Variants in OXR1 observed in about 807,000 individuals in gnomAD.
OXR1 encodes oxidation resistance 1.
In OXR1, 41 loss-of-function variants were observed where a neutral mutation model predicts 104.6. The observed-to-expected ratio is 0.39, with a 90% CI of 0.31 to 0.51. OXR1 has a LOEUF of 0.51. Among genes scored for constraint, OXR1 ranks in the 20% least tolerant of loss-of-function variants. The probability of loss-of-function intolerance (pLI) is 0.77; values close to 1 mark genes in which losing one functional copy is unlikely to be tolerated. For missense variants in OXR1, 955 were observed against 1,031.9 expected (o/e 0.93, Z 1.02); for synonymous variants, 348 against 348.4 (o/e 1.00, Z 0.01).
At chr8:106,321,871 C>G (rs1377959300) in intron 1 of OXR1, among the ~76,000 whole-genome samples, 2 of 152,006 alleles carry the variant, frequency 1.3e-5, no homozygotes, top group Non-Finnish European at 2.9e-5. Flanking sequence ...GCTGAGGAGG[C>G]CCTAGTTTAC....
chr8:106,505,987 A>C (rs1331472706), intron 2 of OXR1, among the ~76,000 whole-genome samples: 1 of 152,234 alleles, frequency 6.6e-6, no homozygotes, highest in African/African-American at 2.4e-5. Context: ...CTTTGGTAAC[A>C]GTCGAGAGAA....
chr8:106,281,336 A>C (rs748580086), intron 1 of OXR1, among the ~76,000 whole-genome samples: 8 of 152,188 alleles, frequency 5.3e-5, no homozygotes, highest in African/African-American at 1.2e-4. Flanking sequence ...GGAATGGATA[A>C]ACAAATAGTC....
intron 11 of OXR1, among the ~76,000 whole-genome samples, chr8:106,726,847 A>C (rs1190016256): frequency 1.3e-5 from 2 of 152,174 alleles, no homozygotes; most frequent in African/African-American, 2.4e-5. Flanking sequence ...ATACTATTGT[A>C]AGAATTTTAT....
intron 6 of OXR1, among the ~76,000 whole-genome samples, chr8:106,692,510 G>A (rs1829408554): frequency 6.6e-6 from 1 of 151,960 alleles, no homozygotes; most frequent in African/African-American, 2.4e-5. Flanking sequence ...CACTATAAAT[G>A]TAAGTTTAAC....
intron 3 of OXR1, among the ~76,000 whole-genome samples, chr8:106,565,522 G>T (rs1167731781): frequency 6.6e-6 from 1 of 152,068 alleles, no homozygotes; most frequent in South Asian, 2.1e-4. Flanking sequence ...TGGATAGGAA[G>T]AATAAATATC....
intron 2 of OXR1, among the ~76,000 whole-genome samples, chr8:106,474,427 A>G (rs949125234): frequency 1.3e-5 from 2 of 151,966 alleles, no homozygotes; most frequent in African/African-American, 4.8e-5. Flanking sequence ...AATAATCTCA[A>G]GAAGGTATGT....
At chr8:106,371,686 C>G (rs1816714153) in intron 2 of OXR1, among the ~76,000 whole-genome samples, 1 of 152,182 alleles carries the variant, frequency 6.6e-6, no homozygotes, top group African/African-American at 2.4e-5. Flanking sequence ...TTTCCAGTTT[C>G]CATGAAATCG....
chr8:106,311,965 G>A (rs984348738), intron 1 of OXR1, among the ~76,000 whole-genome samples: 5 of 151,368 alleles, frequency 3.3e-5, no homozygotes, highest in Non-Finnish European at 1.5e-5. Context: ...TGTTCTTTTG[G>A]GCCTCTGACT....
intron 8 of OXR1, among the ~76,000 whole-genome samples, chr8:106,703,662 A>G (rs1178633539): frequency 6.6e-6 from 1 of 152,152 alleles, no homozygotes; most frequent in Non-Finnish European, 1.5e-5. Flanking sequence ...GATTTGTGTG[A>G]TATGTTAAGA....
chr8:106,434,369 A>C (rs1453879513), intron 2 of OXR1, among the ~76,000 whole-genome samples: 2 of 152,194 alleles, frequency 1.3e-5, no homozygotes, highest in East Asian at 3.8e-4. Context: ...ACAGAGTTGT[A>C]AGCTTTATTA....
intron 1 of OXR1, among the ~76,000 whole-genome samples, chr8:106,318,656 T>C: frequency 6.6e-6 from 1 of 152,196 alleles, no homozygotes; most frequent in Non-Finnish European, 1.5e-5. Flanking sequence ...CTTGCATTCT[T>C]CTTTCTTCTG....
chr8:106,335,119 T>A (rs907195649), intron 1 of OXR1, among the ~76,000 whole-genome samples: 45 of 152,104 alleles, frequency 3.0e-4, no homozygotes, highest in Non-Finnish European at 5.9e-4. Flanking sequence ...TCTCTCTCTC[T>A]CTGTCCTTTC....
At chr8:106,626,992 T>C (rs926170076) in intron 3 of OXR1, among the ~76,000 whole-genome samples, 4 of 152,084 alleles carry the variant, frequency 2.6e-5, no homozygotes, top group Non-Finnish European at 4.4e-5. Flanking sequence ...TTTCGATGCT[T>C]TTCTCCGTAG....
intron 2 of OXR1, among the ~76,000 whole-genome samples, chr8:106,437,718 C>T (rs1304818059): frequency 6.6e-6 from 1 of 152,182 alleles, no homozygotes; most frequent in East Asian, 1.9e-4. Flanking sequence ...CTTATATAAT[C>T]TCTTTAATGG....
intron 11 of OXR1, among the ~76,000 whole-genome samples, chr8:106,724,935 G>C (rs1336790397): frequency 2.0e-5 from 3 of 152,146 alleles, no homozygotes; most frequent in Non-Finnish European, 4.4e-5. Context: ...AAATGTAGCT[G>C]GAAGTTATGA....
intron 1 of OXR1, among the ~76,000 whole-genome samples, chr8:106,289,877 G>A (rs948588303): frequency 6.6e-6 from 1 of 152,170 alleles, no homozygotes; most frequent in African/African-American, 2.4e-5. Flanking sequence ...TAGTGAGTGA[G>A]TGAGTTCCAC....
chr8:106,703,910 G>A (rs1830835213), intron 8 of OXR1, among the ~76,000 whole-genome samples: 1 of 152,142 alleles, frequency 6.6e-6, no homozygotes, highest in African/African-American at 2.4e-5. Flanking sequence ...AACTGATACT[G>A]ATATTTATAT....
intron 3 of OXR1, among the ~76,000 whole-genome samples, chr8:106,574,953 T>C (rs1817724098): frequency 6.6e-6 from 1 of 152,184 alleles, no homozygotes; most frequent in Admixed American, 6.5e-5. Context: ...TTAAGTTATC[T>C]TTAGTTGGTT....
At chr8:106,641,562 C>A (rs1261014238) in intron 3 of OXR1, among the ~76,000 whole-genome samples, 1 of 152,174 alleles carries the variant, frequency 6.6e-6, no homozygotes, top group Non-Finnish European at 1.5e-5. Flanking sequence ...CTGAATCTTT[C>A]TCAACATCCA....
Sources: allele counts gnomAD v4.1 joint callset (sites outside exome capture counted in the v4.1 genomes callset), GRCh38; gene constraint gnomAD v4.1.1; transcripts MANE v1.5; gene names NCBI Gene and HGNC (gene_info 2026-07-23, HGNC 2026-07-21).